NUP205: variants seen among roughly 807,000 people sequenced by gnomAD.
NUP205 encodes nucleoporin 205.
In NUP205, 76 loss-of-function variants were observed where a neutral mutation model predicts 253.8. The ratio of observed to expected loss-of-function variants is 0.30; its 90% CI spans 0.25 to 0.36. NUP205 has a LOEUF of 0.36. Among genes scored for constraint, NUP205 ranks in the 10% least tolerant of loss-of-function variants. The probability of loss-of-function intolerance (pLI) is 1.00; values close to 1 mark genes in which losing one functional copy is unlikely to be tolerated. For synonymous variants in NUP205, 832 were observed against 850.1 expected, an observed-to-expected ratio of 0.98 and a Z score of 0.37; for missense variants, 2,162 against 2,425.5, an observed-to-expected ratio of 0.89 and a Z score of 2.28.
intron 10 of NUP205, among the ~76,000 whole-genome samples, chr7:135,588,768 G>A (rs1806542131): frequency 6.6e-6 from 1 of 151,218 alleles, no homozygotes; most frequent in South Asian, 2.1e-4. Context: ...GGATAGGAGA[G>A]GTACAAGTAT....
intron 30 of NUP205, among the ~76,000 whole-genome samples, chr7:135,620,622 T>G (rs1338434131): frequency 6.6e-6 from 1 of 152,244 alleles, no homozygotes; most frequent in Non-Finnish European, 1.5e-5. Context: ...GTTTCTAAAT[T>G]TTTATTACAA....
chr7:135,596,558 G>A (rs975303470), intron 13 of NUP205, among the ~76,000 whole-genome samples: 1 of 152,134 alleles, frequency 6.6e-6, no homozygotes, highest in Non-Finnish European at 1.5e-5. Context: ...TATCATGACA[G>A]TAGGATTATT....
chr7:135,570,874 T>C (rs1346634893), intron 1 of NUP205, among the ~76,000 whole-genome samples: 5 of 118,808 alleles, frequency 4.2e-5, no homozygotes, highest in Non-Finnish European at 6.6e-5. Context: ...ATATAAAATA[T>C]ATGTAATATA....
At chr7:135,622,598 G>A (rs535432915) in intron 30 of NUP205, among the ~76,000 whole-genome samples, 179 bp from the exon 31 acceptor site, 2 of 151,858 alleles carry the variant, frequency 1.3e-5, no homozygotes, top group South Asian at 4.2e-4. Context: ...TGTGTTATTA[G>A]AGTTAACCTG....
rs762568074 is a variant in NUP205 at position 135,584,935 on chromosome 7, T to C, written c.1146T>C (p.Phe382=). 1.2e-5 allele frequency: 20 copies of C among 1,613,908 alleles called. No individual in the cohort carries two copies. The highest frequency in any genetic ancestry group is 1.4e-5 in the Non-Finnish European group (17 of 1,179,804). The change falls in exon 8 of 43, where the codon TTT becomes TTC. Residue 382 remains phenylalanine (F), a synonymous_variant. Coordinates refer to ENST00000285968, the MANE Select transcript of NUP205 (RefSeq NM_015135.3). ...LMESVVVSEY[F]YQEEFYIRRV... is the part of the protein sequence containing the mutation. ...AATCTGTAGTGGTATCAGAATACTT[T>C]TATCAGGAAGAATTTTATATTCGCA...
chr7:135,637,822 G>T, intron 36 of NUP205, 109 bp from the exon 37 acceptor site: 1 of 917,386 alleles, frequency 1.1e-6, no homozygotes. Flanking sequence ...GATATTAGAT[G>T]CCTTAAGGAC....
chr7:135,619,985 C>A, intron 30 of NUP205, 97 bp downstream of exon 30: 1 of 795,010 alleles, frequency 1.3e-6, no homozygotes, highest in South Asian at 1.7e-5. Context: ...CTAATCACAA[C>A]TGTAAAAAAT....
intron 37 of NUP205, 79 bp from the exon 38 acceptor site, chr7:135,638,473 CCTTTT>C (rs1794859427): frequency 1.7e-6 from 2 of 1,211,844 alleles, no homozygotes; most frequent in Non-Finnish European, 2.4e-6. Context: ...TGATTGATAA[CCTTTT>C]CTTCTTCAAA....
chr7:135,558,279 T>C (rs1181543025), intron 1 of NUP205: 5 of 423,056 alleles, frequency 1.2e-5, no homozygotes, highest in African/African-American at 2.0e-5. Context: ...TCACTGTGCG[T>C]CTGTGGTCCC....
In NUP205 at chr7:135,578,791, C is replaced by T. The variant is rs778174646; in HGVS notation, c.918C>T (p.Tyr306=). The T allele has an allele frequency of 1.2e-6, 2 of 1,608,988 alleles. No individual in the cohort carries two copies. The highest frequency in any genetic ancestry group is 1.7e-6 in the Non-Finnish European group (2 of 1,178,174). The change falls in exon 7 of 43, where the codon TAC becomes TAT. Residue 306 remains tyrosine, a synonymous_variant. Transcript: ENST00000285968. ...HQLPLLTEKQ[Y]IATIHSRLQD... is the part of the protein sequence containing the mutation. The stretch of plus-strand genomic sequence containing the variant: ...TTCCACTGTTGACAGAAAAACAGTA[C>T]ATTGCAACAATTCACTCTCGTCTTC...
intron 1 of NUP205, among the ~76,000 whole-genome samples, chr7:135,563,720 A>G (rs1805661705): frequency 6.6e-6 from 1 of 152,066 alleles, no homozygotes; most frequent in African/African-American, 2.4e-5. Context: ...TAAAAAAGAT[A>G]TTTACTGTAA....
Position 135,628,006 on chromosome 7 carries a change from C to T in NUP205, c.4827C>T (p.Ile1609=), listed in dbSNP as rs766347234. 110 of 1,612,086 alleles carry T rather than the reference C, an allele frequency of 6.8e-5. No individual in the cohort carries two copies. The highest frequency in any genetic ancestry group is 9.1e-5 in the Non-Finnish European group (107 of 1,179,654). Residue 1609 remains isoleucine, a synonymous_variant, in exon 34 of 43, where the codon ATC becomes ATT. Coordinates refer to ENST00000285968, the MANE Select transcript of NUP205 (RefSeq NM_015135.3). ...GCATGAGAGACCCTCCAATGTTCAT[C>T]CCTACCCCAGTGGATCGCTACCGCC... The part of the protein sequence containing the change: ...MFGMRDPPMF[I]PTPVDRYRQI...
chr7:135,621,776 C>T (rs1038024633), intron 30 of NUP205, among the ~76,000 whole-genome samples: 5 of 151,828 alleles, frequency 3.3e-5, no homozygotes, highest in African/African-American at 1.2e-4. Flanking sequence ...TACATTGTAC[C>T]TGATCCTTTC....
chr7:135,599,416 G>C lies in NUP205; in HGVS notation c.2274+1209G>C, dbSNP rs561643650. On this transcript the variant is annotated intron_variant, in intron 15 of 42. Transcript: ENST00000285968. The stretch of plus-strand genomic sequence containing the variant: ...AGGTTGTAAAAATAAACACTGAGGT[G>C]GGGTATACACTTTACTTAGGCTCTA... Among the ~76,000 whole-genome samples, 10 of 152,056 alleles carry C rather than the reference G, an allele frequency of 6.6e-5. No homozygotes were observed. In the South Asian group the frequency reaches 1.0e-3, roughly 16 times the overall value.
At position 135,648,556 on chromosome 7, in the gene NUP205, A is replaced by C. The variant is rs1018797702; in HGVS notation, c.6039A>C (p.Ter2013CysextTer21). ...IRGLLRISRN[*>C] The stretch of plus-strand genomic sequence containing the variant: ...GCCTCTTGAGGATATCAAGGAACTG[A>C]GAGCCCGTGCTTATGCTCTTCTATG... The change falls in exon 43 of 43, where the codon TGA (stop) becomes TGC (cysteine). Residue 2013 changes from the stop codon to cysteine, a stop_lost. Transcript: ENST00000285968. 6.5e-7 allele frequency: 1 copy of C among 1,549,360 alleles called. No homozygotes were observed. Among genetic ancestry groups the C allele is most frequent in the Non-Finnish European group, 8.7e-7 (1 of 1,152,882 alleles).
At chr7:135,597,345 C>T (rs780826363) in intron 13 of NUP205, 23 bp from the exon 14 acceptor site, 105 of 1,583,426 alleles carry the variant, frequency 6.6e-5, no homozygotes, top group African/African-American at 1.3e-4. Flanking sequence ...ATGCTCCTGA[C>T]ATCTACTTCT....
chr7:135,581,098 A>AAAAC (rs1210321624), intron 7 of NUP205, among the ~76,000 whole-genome samples: 1 of 152,192 alleles, frequency 6.6e-6, no homozygotes, highest in Non-Finnish European at 1.5e-5. Flanking sequence ...ATTGTTAGAA[A>AAAAC]AAATGACTAG....
At chr7:135,588,852 C>A (rs1363896746) in intron 10 of NUP205, among the ~76,000 whole-genome samples, 3 of 151,282 alleles carry the variant, frequency 2.0e-5, no homozygotes, top group East Asian at 1.9e-4. Context: ...GGCAAAAATT[C>A]TTTCTGTATT....
At chr7:135,626,398 A>G (rs1313652989) in intron 33 of NUP205, 37 bp downstream of exon 33, 2 of 1,587,406 alleles carry the variant, frequency 1.3e-6, no homozygotes. Flanking sequence ...TTAAACTCCC[A>G]GTAAAGGATT....
Sources: allele counts gnomAD v4.1 joint callset (sites outside exome capture counted in the v4.1 genomes callset), GRCh38; gene constraint gnomAD v4.1.1; transcripts MANE v1.5; gene names NCBI Gene and HGNC (gene_info 2026-07-23, HGNC 2026-07-21).